The following SPRED1 variants were observed in gnomAD, a reference collection of about 807,000 sequenced individuals.
SPRED1 encodes sprouty-related, EVH1 domain-containing protein 1.
In SPRED1, 18 loss-of-function variants were observed where a neutral mutation model predicts 52.3. That is an observed-to-expected ratio of 0.34 (90% CI 0.24 to 0.51). The LOEUF (loss-of-function observed/expected upper bound fraction) is 0.51, where lower values mean the gene tolerates loss of function less well. Ranked by LOEUF, SPRED1 falls within the 20% of genes least tolerant of loss-of-function variation. The pLI is 0.97. For synonymous variants in SPRED1, 155 were observed against 179.7 expected (o/e 0.86, Z 1.10); for missense variants, 485 against 551.0 (o/e 0.88, Z 1.20).
intron 1 of SPRED1, among the ~76,000 whole-genome samples, chr15:38,290,334 A>G (rs1894896610): frequency 6.6e-6 from 1 of 152,216 alleles, no homozygotes; most frequent in Non-Finnish European, 1.5e-5. Flanking sequence ...CGAAGTAGTT[A>G]TAGTTTGAAC....
At chr15:38,308,491 A>G (rs1004373261) in intron 2 of SPRED1, among the ~76,000 whole-genome samples, 19 of 152,188 alleles carry the variant, frequency 1.2e-4, no homozygotes, top group African/African-American at 4.6e-4. Flanking sequence ...TGATTTTATC[A>G]CCACATCTAT....
At chr15:38,258,447 A>C (rs1357589340) in intron 1 of SPRED1, among the ~76,000 whole-genome samples, 1 of 152,156 alleles carries the variant, frequency 6.6e-6, no homozygotes, top group Non-Finnish European at 1.5e-5. Flanking sequence ...TGGATATTTT[A>C]GTTATTTTTA....
chr15:38,318,573 C>CT (rs1895536217), intron 2 of SPRED1, among the ~76,000 whole-genome samples: 1 of 152,110 alleles, frequency 6.6e-6, no homozygotes, highest in Non-Finnish European at 1.5e-5. Context: ...GTTTTGAACT[C>CT]TTACCTCCCT....
chr15:38,345,745 T>C (rs1012865668), intron 5 of SPRED1, among the ~76,000 whole-genome samples: 4 of 152,188 alleles, frequency 2.6e-5, no homozygotes, highest in South Asian at 2.1e-4. Flanking sequence ...TGACTTTTAG[T>C]GCACTTCAGT....
intron 2 of SPRED1, among the ~76,000 whole-genome samples, chr15:38,307,510 G>A (rs1311947883): frequency 6.6e-6 from 1 of 152,062 alleles, no homozygotes; most frequent in Admixed American, 6.5e-5. Flanking sequence ...TATCAGATTA[G>A]GGCCCCACCT....
chr15:38,261,074 A>G (rs56207659), intron 1 of SPRED1, among the ~76,000 whole-genome samples: 6,306 of 152,318 alleles, frequency 0.041, 444 homozygotes, highest in African/African-American at 0.14. Flanking sequence ...GAATGGATCA[A>G]CATGAGAAAA....
rs137999335 is a variant in SPRED1 at position 38,315,090 on chromosome 15, T to A, written c.208-7151T>A. Among the ~76,000 whole-genome samples, 23 of 152,056 alleles carry A rather than the reference T, an allele frequency of 1.5e-4. No homozygotes were observed. In the East Asian group the frequency reaches 4.2e-3, roughly 28 times the overall value. ...ATGTATTTCTTAAAGGGTACAGGTT[T>A]TTATGTCATTCAGAAAATTAAAGTT... On this transcript the variant is annotated intron_variant, in intron 2 of 6. Transcript: ENST00000299084.
intron 2 of SPRED1, among the ~76,000 whole-genome samples, chr15:38,321,966 T>C (rs1031787425): frequency 3.9e-5 from 6 of 152,180 alleles, no homozygotes; most frequent in African/African-American, 1.2e-4. Flanking sequence ...TAATTCCTGA[T>C]ATATTCCTCC....
chr15:38,344,269 G>A (rs768601141), intron 5 of SPRED1, among the ~76,000 whole-genome samples: 1 of 152,106 alleles, frequency 6.6e-6, no homozygotes, highest in Non-Finnish European at 1.5e-5. Flanking sequence ...AGTTGAGCAG[G>A]GAAAGAAAAC....
chr15:38,339,703 TG>T (rs773763661), intron 4 of SPRED1, 33 bp from the exon 5 acceptor site: 1 of 1,609,346 alleles, frequency 6.2e-7, no homozygotes. Context: ...GTTTTTATTC[TG>T]GCAACTAATG....
chr15:38,321,341 T>A (rs1895597792), intron 2 of SPRED1, among the ~76,000 whole-genome samples: 1 of 152,138 alleles, frequency 6.6e-6, no homozygotes, highest in Non-Finnish European at 1.5e-5. Flanking sequence ...ACCAAGGGTA[T>A]ATTGCTTCAT....
chr15:38,278,681 T>G (rs1474468882), intron 1 of SPRED1, among the ~76,000 whole-genome samples: 6 of 152,114 alleles, frequency 3.9e-5, no homozygotes, highest in African/African-American at 1.4e-4. Flanking sequence ...CCCATATACT[T>G]TAAATCATCT....
rs1043523762 is a variant in SPRED1, at chr15:38,356,399, G to A, written c.*4735G>A. On this transcript the variant is annotated 3_prime_UTR_variant, in exon 7 of 7. Coordinates refer to ENST00000299084, the MANE Select transcript of SPRED1 (RefSeq NM_152594.3). Reference sequence around the variant, plus strand: ...TAGCAGATGATTATCATAAGAATTTGTTTTAATGGTTTTTTTCCCTCCTGG... The same window carrying A: ...TAGCAGATGATTATCATAAGAATTTATTTTAATGGTTTTTTTCCCTCCTGG... The A allele has an allele frequency of 6.6e-6, 1 of 152,002 alleles. No homozygotes were observed. Among genetic ancestry groups the A allele is most frequent in the African/African-American group, 2.4e-5 (1 of 41,416 alleles). 9.4% of individuals were successfully genotyped at this position (152,002 alleles called of 1,614,324 possible).
intron 5 of SPRED1, among the ~76,000 whole-genome samples, chr15:38,348,869 G>A (rs1566875939): frequency 6.6e-6 from 1 of 152,126 alleles, no homozygotes; most frequent in East Asian, 1.9e-4. Context: ...AAATGTATCA[G>A]GACACTAAAG....
chr15:38,299,599 T>G, intron 2 of SPRED1, 52 bp downstream of exon 2: 1 of 1,533,068 alleles, frequency 6.5e-7, no homozygotes, highest in Non-Finnish European at 9.0e-7. Context: ...ATTATCTGTT[T>G]AAAGTTATGA....
chr15:38,272,822 C>CT (rs1894466912), intron 1 of SPRED1, among the ~76,000 whole-genome samples: 2 of 152,088 alleles, frequency 1.3e-5, no homozygotes, highest in Admixed American at 6.6e-5. Context: ...TTGTTGGCAA[C>CT]TTGTATGTCT....
At chr15:38,268,133 A>C (rs183480063) in intron 1 of SPRED1, 41 of 152,376 alleles carry the variant, frequency 2.7e-4, no homozygotes, top group Admixed American at 1.6e-3. Context: ...AAGACATCTG[A>C]AAAAGCAATG....
At chr15:38,314,239 T>A (rs1895425028) in intron 2 of SPRED1, among the ~76,000 whole-genome samples, 1 of 151,990 alleles carries the variant, frequency 6.6e-6, no homozygotes, top group Admixed American at 6.6e-5. Context: ...TTATCTTTAC[T>A]AATTTTGTGT....
At position 38,353,605 on chromosome 15, in the gene SPRED1, C is replaced by G. The variant is rs1483273023; in HGVS notation, c.*1941C>G. ...CTGCTACAACAGATGATCTTCATCC[C>G]TGAAGTTTTCAGCTAAACTTGGTTT... On this transcript the variant is annotated 3_prime_UTR_variant, in exon 7 of 7. Coordinates refer to ENST00000299084, the MANE Select transcript of SPRED1 (RefSeq NM_152594.3). 6.6e-6 allele frequency: 1 copy of G among 152,492 alleles called. No homozygotes were observed. The highest frequency in any genetic ancestry group is 1.5e-5 in the Non-Finnish European group (1 of 67,942). 9.4% of individuals were successfully genotyped at this position (152,492 alleles called of 1,614,324 possible).
Sources: allele counts gnomAD v4.1 joint callset (sites outside exome capture counted in the v4.1 genomes callset), GRCh38; gene constraint gnomAD v4.1.1; transcripts MANE v1.5; gene names NCBI Gene and HGNC (gene_info 2026-07-23, HGNC 2026-07-21).